Variants in WFDC13 observed in about 807,000 individuals in gnomAD.
WFDC13 encodes the protein WAP four-disulfide core domain 13.
In WFDC13, 6 loss-of-function variants were observed where a neutral mutation model predicts 10.9. The ratio of observed to expected loss-of-function variants is 0.55; its 90% CI spans 0.30 to 1.09. The LOEUF (loss-of-function observed/expected upper bound fraction) is 1.09. WFDC13 is among the 50% of genes least tolerant of loss of function. WFDC13 has a pLI of 0.06. For missense variants in WFDC13, 104 were observed against 109.6 expected, an observed-to-expected ratio of 0.95 and a Z score of 0.23; for synonymous variants, 38 against 39.5, an observed-to-expected ratio of 0.96 and a Z score of 0.14.
intron 3 of WFDC13, among the ~76,000 whole-genome samples, chr20:45,706,177 A>C (rs1438554040): frequency 6.6e-6 from 1 of 152,054 alleles, no homozygotes; most frequent in East Asian, 1.9e-4. Flanking sequence ...CCCAGGGGGA[A>C]CCCAGGGCAC....
rs550234447 is a variant in WFDC13 at position 45,708,475 on chromosome 20, T to A, written c.*640T>A. The A allele has an allele frequency of 6.6e-6, 1 of 152,176 alleles. No individual in the cohort carries two copies. The highest frequency in any genetic ancestry group is 2.1e-4 in the South Asian group (1 of 4,822). 9.4% of individuals were successfully genotyped at this position (152,176 alleles called of 1,614,324 possible). On this transcript the variant is annotated 3_prime_UTR_variant, in exon 4 of 4. Transcript: ENST00000305479. ...CCTGAGCCAGAAACTGCAGAGGACA[T>A]GACAGTGTGGCATTACTGATAAGTT...
At chr20:45,702,718 G>A (rs906184440) in intron 1 of WFDC13, among the ~76,000 whole-genome samples, 1 of 152,146 alleles carries the variant, frequency 6.6e-6, no homozygotes, top group Admixed American at 6.5e-5. Context: ...AACTCCAGAG[G>A]TACTGTACAA....
rs6073863 is a variant in WFDC13 at position 45,703,386 on chromosome 20, G to A, written c.89-1058G>A. ...TTTTACCCCAATTCTGGTGCCATTT[G>A]CTACTACAGTTATAGTCATGACCTC... On this transcript the variant is annotated intron_variant, in intron 1 of 3. Transcript: ENST00000305479. 1.6e-3 allele frequency among the ~76,000 whole-genome samples: 249 copies of A among 152,270 alleles called. 1 individual carries two copies. The highest frequency in any genetic ancestry group is 2.2e-3 in the Non-Finnish European group (151 of 68,012).
In WFDC13 at chr20:45,704,608, C is replaced by T; in HGVS notation, c.239+14C>T. On this transcript the variant is annotated intron_variant, in intron 2 of 3. Transcript: ENST00000305479. Reference sequence around the variant, plus strand: ...AAAGCGCAACAGGTAAGAGATATCTCATATCCAGGTCTGATCCTAGAGCTG... The same window carrying T: ...AAAGCGCAACAGGTAAGAGATATCTTATATCCAGGTCTGATCCTAGAGCTG... The T allele has an allele frequency of 3.7e-6, 6 of 1,613,138 alleles. No individual in the cohort carries two copies. The highest frequency in any genetic ancestry group is 5.1e-6 in the Non-Finnish European group (6 of 1,179,614).
At chr20:45,704,687 C>T (rs1984316013) in intron 2 of WFDC13, 93 bp downstream of exon 2, 1 of 1,333,328 alleles carries the variant, frequency 7.5e-7, no homozygotes, top group Non-Finnish European at 1.0e-6. Context: ...TGGATCTCTC[C>T]TTTTTTTTTT....
intron 2 of WFDC13, chr20:45,705,213 T>G (rs1404817010): frequency 1.8e-6 from 1 of 547,334 alleles, no homozygotes; most frequent in African/African-American, 1.9e-5. Context: ...TTTACTTTCT[T>G]TTTCTCATGA....
At chr20:45,707,692 G>C (rs552539445) in intron 3 of WFDC13, among the ~76,000 whole-genome samples, 166 bp from the exon 4 acceptor site, 2 of 152,294 alleles carry the variant, frequency 1.3e-5, no homozygotes, top group African/African-American at 4.8e-5. Context: ...CCTCATGTTA[G>C]ACTCCAGGAA....
At chr20:45,705,720 T>G in intron 2 of WFDC13, 143 bp from the exon 3 acceptor site, 1 of 689,316 alleles carries the variant, frequency 1.5e-6, no homozygotes. Flanking sequence ...TGTCATTGAG[T>G]TTTTTGAGGT....
chr20:45,707,057 C>G (rs990223329), intron 3 of WFDC13, among the ~76,000 whole-genome samples: 2 of 152,170 alleles, frequency 1.3e-5, no homozygotes, highest in Non-Finnish European at 1.5e-5. Context: ...CAGGTGGAGG[C>G]CAGTGGAGCA....
chr20:45,702,882 T>C (rs1371381215), intron 1 of WFDC13, among the ~76,000 whole-genome samples: 1 of 152,156 alleles, frequency 6.6e-6, no homozygotes, highest in Non-Finnish European at 1.5e-5. Context: ...TCCACTCTTC[T>C]ATGGGGAAAA....
In WFDC13 at chr20:45,704,487, C is replaced by G; in HGVS notation, c.132C>G (p.Asn44Lys). Residue 44 changes from asparagine (N) to lysine (K), a missense_variant, in exon 2 of 4, where the codon AAC (asparagine) becomes AAG (lysine). By Grantham distance (94) the Asn-to-Lys change is moderately conservative. Transcript: ENST00000305479. Reference sequence around the variant, plus strand: ...CACCCTGCATATCAGCACCTGAAAACTGTACTCACCTGTGTACAATGCAGG... The same window carrying G: ...CACCCTGCATATCAGCACCTGAAAAGTGTACTCACCTGTGTACAATGCAGG... ...EPPPCISAPENCTHLCTMQED... is the reference protein window; with the variant it reads ...EPPPCISAPEKCTHLCTMQED... The G allele has an allele frequency of 1.9e-6, 3 of 1,614,092 alleles. No homozygotes were observed. The highest frequency in any genetic ancestry group is 2.5e-6 in the Non-Finnish European group (3 of 1,179,990).
intron 2 of WFDC13, chr20:45,704,817 C>G (rs151324117): frequency 1.5e-6 from 2 of 1,367,476 alleles, no homozygotes; most frequent in African/African-American, 1.4e-5. Flanking sequence ...TCACCATATC[C>G]GTGAATTTCT....
intron 3 of WFDC13, among the ~76,000 whole-genome samples, chr20:45,706,533 G>A (rs576102739): frequency 9.9e-5 from 15 of 151,822 alleles, no homozygotes; most frequent in Middle Eastern, 3.5e-3. Context: ...CAGCACTTTC[G>A]GAGGCCAAGG....
chr20:45,707,788 A>G (rs1177823245), intron 3 of WFDC13, 70 bp from the exon 4 acceptor site: 1 of 152,210 alleles, frequency 6.6e-6, no homozygotes, highest in Non-Finnish European at 1.5e-5. Context: ...CTAGAGACCC[A>G]ACATGATGTC....
chr20:45,702,621 C>T (rs182775201), intron 1 of WFDC13, among the ~76,000 whole-genome samples: 1 of 152,336 alleles, frequency 6.6e-6, no homozygotes, highest in East Asian at 1.9e-4. Context: ...GTTGGTAGAA[C>T]TCAAGCTAGA....
rs938647030 is a variant in WFDC13 at position 45,704,766 on chromosome 20, G to C, written c.239+172G>C. 1.3e-5 allele frequency: 17 copies of C among 1,307,638 alleles called. No homozygotes were observed. In the Admixed American group the frequency reaches 2.2e-4, roughly 17 times the overall value. 81.0% of individuals were successfully genotyped at this position (1,307,638 alleles called of 1,614,324 possible). ...CAAGGATAATTTCCATAAAAGTCCT[G>C]ATTAGAAAAGCCCTCCTCCCCTCCC... On this transcript the variant is annotated intron_variant, in intron 2 of 3. Transcript: ENST00000305479.
chr20:45,708,663 A>G lies in WFDC13; in HGVS notation c.*828A>G, dbSNP rs1488375241. The G allele has an allele frequency of 6.6e-6, 1 of 152,246 alleles. No individual in the cohort carries two copies. The highest frequency in any genetic ancestry group is 2.4e-5 in the African/African-American group (1 of 41,470). The allele number at this position is 152,246 out of a possible 1,614,324, so 9.4% of individuals were successfully genotyped here. A position where few individuals can be genotyped will look rare whatever the true frequency, so the allele number is the denominator to read the frequency against. On this transcript the variant is annotated 3_prime_UTR_variant, in exon 4 of 4. Transcript: ENST00000305479. The stretch of plus-strand genomic sequence containing the variant: ...AATCAAAAATAATCAGCCATAAAAT[A>G]TTAAAAAGGTATTATAAAGGTATTT...
chr20:45,702,259 G>C, intron 1 of WFDC13, 48 bp downstream of exon 1: 1 of 1,561,872 alleles, frequency 6.4e-7, no homozygotes, highest in Non-Finnish European at 8.7e-7. Flanking sequence ...TGTGTGGATA[G>C]GAGAGGATCT....
chr20:45,705,631 G>A (rs1341336613), intron 2 of WFDC13, among the ~76,000 whole-genome samples: 5 of 152,188 alleles, frequency 3.3e-5, no homozygotes, highest in Non-Finnish European at 5.9e-5. Flanking sequence ...TCTCTTTGAA[G>A]AGACTAGCCC....
Sources: allele counts gnomAD v4.1 joint callset (sites outside exome capture counted in the v4.1 genomes callset), GRCh38; gene constraint gnomAD v4.1.1; transcripts MANE v1.5; gene names NCBI Gene and HGNC (gene_info 2026-07-23, HGNC 2026-07-21).